Variants in DEFB4B observed in about 807,000 individuals in gnomAD.
DEFB4B encodes the protein defensin beta 4B.
At chr8:7,416,556 C>T (rs1339034711) in intron 1 of DEFB4B, among the ~76,000 whole-genome samples, 1 of 149,948 alleles carries the variant, frequency 6.7e-6, no homozygotes. Context: ...GAAAGAAAGA[C>T]ATGCTCTAGG....
chr8:7,416,448 G>A (rs1808866285), intron 1 of DEFB4B, among the ~76,000 whole-genome samples: 1 of 151,756 alleles, frequency 6.6e-6, no homozygotes, highest in Non-Finnish European at 1.5e-5. Context: ...GGTGTCCATT[G>A]GGTTCTCAAA....
intron 1 of DEFB4B, among the ~76,000 whole-genome samples, 184 bp downstream of exon 1, chr8:7,416,582 AAGAC>A (rs1205439095): frequency 1.0e-4 from 15 of 146,970 alleles, no homozygotes; most frequent in South Asian, 6.6e-4. Context: ...AGGAAAAAGA[AAGAC>A]AGAAAAAAAG....
At chr8:7,415,708 C>CCTCT (rs1808813279) in intron 1 of DEFB4B, among the ~76,000 whole-genome samples, 1 of 121,908 alleles carries the variant, frequency 8.2e-6, no homozygotes, top group African/African-American at 3.1e-5. Context: ...TCCCTCCCTC[C>CCTCT]CTCCCTCCCT....
intron 1 of DEFB4B, among the ~76,000 whole-genome samples, chr8:7,416,270 A>G (rs1808853276): frequency 6.6e-6 from 1 of 151,714 alleles, no homozygotes; most frequent in Non-Finnish European, 1.5e-5. Flanking sequence ...TTAGAAAATG[A>G]CATTCTATAC....
chr8:7,416,271 C>T (rs1449876019), intron 1 of DEFB4B, among the ~76,000 whole-genome samples: 10 of 151,676 alleles, frequency 6.6e-5, no homozygotes, highest in African/African-American at 2.2e-4. Context: ...TAGAAAATGA[C>T]ATTCTATACT....
intron 1 of DEFB4B, among the ~76,000 whole-genome samples, chr8:7,415,753 C>CTCCCTGCT (rs1808821321): frequency 7.0e-6 from 1 of 141,854 alleles, no homozygotes; most frequent in Non-Finnish European, 1.5e-5. Flanking sequence ...ACCTGCCCGC[C>CTCCCTGCT]TCCCTGCCTC....
chr8:7,415,640 C>T (rs142895509), intron 1 of DEFB4B, among the ~76,000 whole-genome samples: 23,376 of 139,728 alleles, frequency 0.17, 87 homozygotes, highest in East Asian at 0.21. Context: ...TTTGTAATGG[C>T]TTGTTTCTAA....
At chr8:7,415,415 G>T (rs1455509593) in intron 1 of DEFB4B, among the ~76,000 whole-genome samples, 1 of 151,386 alleles carries the variant, frequency 6.6e-6, no homozygotes, top group African/African-American at 2.4e-5. Flanking sequence ...GATCTCTTGT[G>T]AATTCAGCTC....
In DEFB4B at chr8:7,415,737, C is replaced by G. The variant is rs796816801; in HGVS notation, c.59-640G>C. On this transcript the variant is annotated intron_variant, in intron 1 of 1. Coordinates refer to ENST00000318157, the MANE Select transcript of DEFB4B (RefSeq NM_001205266.2). The stretch of plus-strand genomic sequence containing the variant: ...CCTCCCTCCCTCCTTCCCTCCCTCC[C>G]TCCCCACCTGCCCGCCTCCCTGCCT... 3.0e-5 allele frequency among the ~76,000 whole-genome samples: 4 copies of G among 132,590 alleles called. No homozygotes were observed. In the Admixed American group the frequency reaches 3.2e-4, roughly 11 times the overall value. The allele number at this position is 132,590 out of a possible 152,430, so 87.0% of individuals were successfully genotyped here. A position where few individuals can be genotyped will look rare whatever the true frequency, so the allele number is the denominator to read the frequency against.
At chr8:7,416,580 G>C (rs1181518675) in intron 1 of DEFB4B, among the ~76,000 whole-genome samples, 190 bp downstream of exon 1, 1 of 146,768 alleles carries the variant, frequency 6.8e-6, no homozygotes, top group Non-Finnish European at 1.5e-5. Flanking sequence ...AGAGGAAAAA[G>C]AAAGACAGAA....
chr8:7,415,378 G>C (rs959117694), intron 1 of DEFB4B, among the ~76,000 whole-genome samples: 2 of 151,342 alleles, frequency 1.3e-5, no homozygotes, highest in African/African-American at 2.4e-5. Flanking sequence ...GGGGCCTCCA[G>C]GTGGGGTCTG....
chr8:7,416,578 AAG>A (rs1386865532), intron 1 of DEFB4B, among the ~76,000 whole-genome samples, 190 bp downstream of exon 1: 1 of 147,954 alleles, frequency 6.8e-6, no homozygotes, highest in Admixed American at 6.9e-5. Flanking sequence ...AGAGAGGAAA[AAG>A]AAAGACAGAA....
chr8:7,415,457 A>G, intron 1 of DEFB4B, among the ~76,000 whole-genome samples: 1 of 151,132 alleles, frequency 6.6e-6, no homozygotes, highest in Non-Finnish European at 1.5e-5. Context: ...AAGCCACCAT[A>G]CCTCCATTTT....
intron 1 of DEFB4B, among the ~76,000 whole-genome samples, chr8:7,415,882 G>T (rs1051742888): frequency 6.7e-6 from 1 of 148,362 alleles, no homozygotes; most frequent in Admixed American, 6.8e-5. Context: ...TCATAAATAA[G>T]ATTGGTAAAA....
intron 1 of DEFB4B, 137 bp downstream of exon 1, chr8:7,416,633 G>T: frequency 2.7e-6 from 1 of 364,846 alleles, no homozygotes; most frequent in South Asian, 2.7e-5. Context: ...AGGAGAAAAG[G>T]ATGGAGGGGA....
chr8:7,415,714 TC>T (rs1808815293), intron 1 of DEFB4B, among the ~76,000 whole-genome samples: 1 of 72,130 alleles, frequency 1.4e-5, no homozygotes, highest in Non-Finnish European at 2.6e-5. Context: ...CCTCCCTCCC[TC>T]CCTCCCTCCT....
At chr8:7,416,407 C>T in intron 1 of DEFB4B, among the ~76,000 whole-genome samples, 1 of 151,778 alleles carries the variant, frequency 6.6e-6, no homozygotes, top group Non-Finnish European at 1.5e-5. Flanking sequence ...AGCTACTGGG[C>T]TCCTTCATAT....
At chr8:7,415,725 T>TCCCTCCG (rs1808817707) in intron 1 of DEFB4B, among the ~76,000 whole-genome samples, 1 of 38,266 alleles carries the variant, frequency 2.6e-5, no homozygotes, top group Non-Finnish European at 5.1e-5. Context: ...CCCTCCCTCC[T>TCCCTCCG]TCCCTCCCTC....
chr8:7,415,713 C>CTCTTCCG (rs1808814787), intron 1 of DEFB4B, among the ~76,000 whole-genome samples: 2 of 127,846 alleles, frequency 1.6e-5, no homozygotes, highest in African/African-American at 5.8e-5. Context: ...CCCTCCCTCC[C>CTCTTCCG]TCCCTCCCTC....
Sources: gnomAD v4.1 joint callset for allele counts (sites outside exome capture counted in the v4.1 genomes callset) on GRCh38, gnomAD v4.1.1 for gene constraint, MANE v1.5 for transcripts, NCBI Gene and HGNC (gene_info 2026-07-23, HGNC 2026-07-21) for gene names.